Variants in LETM1 observed in about 807,000 individuals in gnomAD.
LETM1 encodes mitochondrial proton/calcium exchanger protein.
LETM1 carries 50 observed loss-of-function variants against 74.5 expected under a neutral mutation model. That is an observed-to-expected ratio of 0.67 (90% confidence interval 0.53 to 0.85). LETM1 has a LOEUF of 0.85. LETM1 is among the 40% of genes least tolerant of loss of function. The pLI is 0.00. For synonymous variants in LETM1, 446 were observed against 407.1 expected (o/e 1.10, Z -1.15); for missense variants, 824 against 967.8 (o/e 0.85, Z 1.97).
chr4:1,840,325 C>T (rs998566082), intron 3 of LETM1, among the ~76,000 whole-genome samples: 1 of 152,012 alleles, frequency 6.6e-6, no homozygotes, highest in Admixed American at 6.6e-5. Flanking sequence ...TGCAGTGAGC[C>T]GAGATTGTGC....
At chr4:1,839,818 C>T (rs1219875881) in intron 3 of LETM1, among the ~76,000 whole-genome samples, 1 of 152,240 alleles carries the variant, frequency 6.6e-6, no homozygotes, top group African/African-American at 2.4e-5. Context: ...GAAAGCTGAA[C>T]ACGGTAGAGG....
intron 6 of LETM1, among the ~76,000 whole-genome samples, chr4:1,829,145 G>A (rs1712156746): frequency 7.3e-6 from 1 of 137,020 alleles, no homozygotes; most frequent in Non-Finnish European, 1.6e-5. Flanking sequence ...CTCCCGGACG[G>A]GGCGGCTGGC....
At position 1,856,040 on chromosome 4, in the gene LETM1, A is replaced by C. The variant is rs965253823; in HGVS notation, c.-90T>G. The C allele has an allele frequency of 1.2e-6, 1 of 821,100 alleles. No individual in the cohort carries two copies. Among genetic ancestry groups the C allele is most frequent in the African/African-American group, 1.8e-5 (1 of 55,374 alleles). The allele number at this position is 821,100 out of a possible 1,614,324, so 50.9% of individuals were successfully genotyped here. A position where few individuals can be genotyped will look rare whatever the true frequency, so the allele number is the denominator to read the frequency against. ...CTTCGCCGTCCCGGCGGCGCTTCAG[A>C]CCCGGCCCGCGCGGACGGCTGACAG... On this transcript the variant is annotated 5_prime_UTR_variant, in exon 1 of 14. Coordinates refer to ENST00000302787, the MANE Select transcript of LETM1 (RefSeq NM_012318.3).
Position 1,815,671 on chromosome 4 carries a change from A to G in LETM1, c.2063T>C (p.Leu688Pro), listed in dbSNP as rs1226110586. 1 of 1,614,042 alleles carries G rather than the reference A, an allele frequency of 6.2e-7. No individual in the cohort carries two copies. Among genetic ancestry groups the G allele is most frequent in the African/African-American group, 1.3e-5 (1 of 74,934 alleles). The change falls in exon 13 of 14, where the codon CTC (leucine) becomes CCC (proline). Residue 688 changes from leucine to proline, a missense_variant. Physicochemically the swap from Leu to Pro is moderately conservative, Grantham distance 98. Around this residue, in one of 4 missense-constraint regions of LETM1, gnomAD observed 161 missense variants for 252.7 expected, o/e 0.64. Coordinates refer to ENST00000302787, the MANE Select transcript of LETM1 (RefSeq NM_012318.3). The stretch of plus-strand genomic sequence containing the variant: ...GTCCCCAGCGAGGCCCACCTTGACG[A>G]GGTCGTCGATGTTGACCTTGCCATC... ...NKDGKVNIDD[L>P]VKVIELVDKE...
At chr4:1,843,038 T>C in intron 2 of LETM1, 1 of 374,820 alleles carries the variant, frequency 2.7e-6, no homozygotes. Flanking sequence ...TAACTTCACA[T>C]CAGCTCCTCC....
intron 10 of LETM1, among the ~76,000 whole-genome samples, chr4:1,819,772 T>G (rs11931451): frequency 0.039 from 5,987 of 152,308 alleles, 405 homozygotes; most frequent in African/African-American, 0.14. Context: ...TGCATCTTTG[T>G]GCCCCCACTG....
At chr4:1,844,547 C>T (rs1428646839) in intron 2 of LETM1, among the ~76,000 whole-genome samples, 1 of 152,170 alleles carries the variant, frequency 6.6e-6, no homozygotes, top group East Asian at 1.9e-4. Flanking sequence ...GCTTGGCCAA[C>T]ATAGTGAAAC....
At chr4:1,855,243 A>G (rs1174577324) in intron 1 of LETM1, among the ~76,000 whole-genome samples, 1 of 152,170 alleles carries the variant, frequency 6.6e-6, no homozygotes, top group African/African-American at 2.4e-5. Context: ...GGTTAATTAG[A>G]GAGAGAGAGG....
intron 7 of LETM1, among the ~76,000 whole-genome samples, chr4:1,825,252 T>C (rs928983166): frequency 1.3e-5 from 2 of 152,190 alleles, no homozygotes; most frequent in African/African-American, 2.4e-5. Context: ...ATCTCAGAGG[T>C]GAACTCCAGT....
chr4:1,841,272 G>A (rs1171826371), intron 3 of LETM1, 75 bp downstream of exon 3: 1 of 1,394,072 alleles, frequency 7.2e-7, no homozygotes, highest in Non-Finnish European at 9.9e-7. Context: ...CCATGCCCAG[G>A]AAATTGCGCC....
intron 12 of LETM1, among the ~76,000 whole-genome samples, 185 bp from the exon 13 acceptor site, chr4:1,815,987 C>T (rs951143732): frequency 1.3e-5 from 2 of 152,386 alleles, no homozygotes; most frequent in East Asian, 1.9e-4. Flanking sequence ...GCTCCCAGGG[C>T]CAGCGTGGAC....
In LETM1 at chr4:1,812,620, G is replaced by A. The variant is rs971012333; in HGVS notation, c.*1804C>T. ...CAGACACCACTTTTAGGTGCAAGAA[G>A]AAAGGTCAGGACATAGAGAAAAATG... On this transcript the variant is annotated 3_prime_UTR_variant, in exon 14 of 14. Transcript: ENST00000302787. 1 of 152,314 alleles carries A rather than the reference G, an allele frequency of 6.6e-6. No homozygotes were observed. The highest frequency in any genetic ancestry group is 1.5e-5 in the Non-Finnish European group (1 of 68,052). 9.4% of individuals were successfully genotyped at this position (152,314 alleles called of 1,614,324 possible).
intron 1 of LETM1, among the ~76,000 whole-genome samples, chr4:1,851,978 C>G (rs1203742620): frequency 1.3e-5 from 2 of 152,250 alleles, no homozygotes; most frequent in Admixed American, 1.3e-4. Context: ...TGATGGGGAT[C>G]ATTGCTCCAC....
At chr4:1,816,042 TCTGCCCCTCAGTGG>T (rs1221387131) in intron 12 of LETM1, among the ~76,000 whole-genome samples, 2 of 152,382 alleles carry the variant, frequency 1.3e-5, no homozygotes, top group South Asian at 2.1e-4. Flanking sequence ...CACGGGCATG[TCTGCCCCTCAGTGG>T]CTGCCCCTCT....
At chr4:1,820,057 C>A (rs1262188214) in intron 10 of LETM1, among the ~76,000 whole-genome samples, 1 of 152,228 alleles carries the variant, frequency 6.6e-6, no homozygotes, top group Non-Finnish European at 1.5e-5. Context: ...CTGCCTCAGC[C>A]TCCCCAGGAG....
intron 11 of LETM1, among the ~76,000 whole-genome samples, chr4:1,817,265 A>G (rs1711602750): frequency 6.6e-6 from 1 of 151,610 alleles, no homozygotes; most frequent in Non-Finnish European, 1.5e-5. Context: ...AAAAAAAAAA[A>G]AAAGAATCTG....
rs1204647807 is a variant in LETM1, at chr4:1,819,388, C to G, written c.1693G>C (p.Glu565Gln). 3.7e-6 allele frequency: 6 copies of G among 1,613,856 alleles called. No homozygotes were observed. The highest frequency in any genetic ancestry group is 5.1e-6 in the Non-Finnish European group (6 of 1,179,954). Residue 565 changes from glutamate (E) to glutamine (Q), a missense_variant, in exon 11 of 14, where the codon GAG becomes CAG. Glu to Gln is a conservative substitution (Grantham distance 29). Around this residue, in one of 4 missense-constraint regions of LETM1, gnomAD observed 161 missense variants for 252.7 expected, o/e 0.64. Transcript: ENST00000302787. ...LQEQKKSLTK[E>Q]KEELELLKED... ...TTCAGCAGCTCCAGCTCCTCCTTCT[C>G]CTTGGTGAGTGACTTCTTCTGCTCC...
At chr4:1,842,443 C>CA (rs1712735106) in intron 2 of LETM1, among the ~76,000 whole-genome samples, 3 of 152,342 alleles carry the variant, frequency 2.0e-5, no homozygotes, top group African/African-American at 7.2e-5. Context: ...CCTGCCCCCC[C>CA]GCCTGGACAT....
chr4:1,841,435 C>A lies in LETM1; in HGVS notation c.506G>T (p.Arg169Leu). 6.2e-7 allele frequency: 1 copy of A among 1,614,242 alleles called. No individual in the cohort carries two copies. The highest frequency in any genetic ancestry group is 1.1e-5 in the South Asian group (1 of 91,086). The part of the protein sequence containing the change: ...DELKHYYHGF[R>L]LLWIDTKIAA... ...GATCTTGGTGTCGATCCATAGCAGG[C>A]GGAAGCCATGGTAGTAGTGCTTCAG... The change falls in exon 3 of 14, where the codon CGC (arginine) becomes CTC (leucine). Residue 169 changes from arginine to leucine, a missense_variant. By Grantham distance (102) the Arg-to-Leu change is moderately radical (BLOSUM62 -2). Coordinates refer to ENST00000302787, the MANE Select transcript of LETM1 (RefSeq NM_012318.3).
Sources: allele counts gnomAD v4.1 joint callset (sites outside exome capture counted in the v4.1 genomes callset), GRCh38; gene constraint gnomAD v4.1.1; regional missense constraint gnomAD v4.1.1; transcripts MANE v1.5; gene names NCBI Gene and HGNC (gene_info 2026-07-23, HGNC 2026-07-21).